PCDHGA2: variants seen among roughly 807,000 people sequenced by gnomAD.
The protein encoded by PCDHGA2 is protocadherin gamma-A2.
In PCDHGA2, 40 loss-of-function variants were observed where a neutral mutation model predicts 59.2. The observed-to-expected ratio is 0.68, with a 90% CI of 0.52 to 0.88. The LOEUF (loss-of-function observed/expected upper bound fraction) is 0.88, where lower values mean the gene tolerates loss of function less well. Among genes scored for constraint, PCDHGA2 ranks in the 40% least tolerant of loss-of-function variants. PCDHGA2 has a pLI of 0.00. For synonymous variants in PCDHGA2, 560 were observed against 526.0 expected, an observed-to-expected ratio of 1.06 and a Z score of -0.89; for missense variants, 1,226 against 1,204.0, an observed-to-expected ratio of 1.02 and a Z score of -0.27.
Position 141,432,436 on chromosome 5 carries a change from G to A in PCDHGA2, c.2425-62371G>A, listed in dbSNP as rs753833603. On this transcript the variant is annotated intron_variant, in intron 1 of 3. Coordinates refer to ENST00000394576, the MANE Select transcript of PCDHGA2 (RefSeq NM_018915.4). The surrounding 1 kb of genome is among the most constrained non-coding windows in gnomAD (Gnocchi z 6.0). ...TCGTGCTGGACCAGAACGACAATGC[G>A]CCCGAGATCCTGTACCCCGCCCTCC... The A allele has an allele frequency of 4.3e-6, 7 of 1,614,196 alleles. No homozygotes were observed. The highest frequency in any genetic ancestry group is 1.1e-5 in the South Asian group (1 of 91,084).
intron 1 of PCDHGA2, chr5:141,360,620 T>C (rs759358436): frequency 1.2e-6 from 2 of 1,614,026 alleles, no homozygotes; most frequent in Non-Finnish European, 1.7e-6. Flanking sequence ...GATTCAGATG[T>C]TGGTCCTAAC....
chr5:141,342,022 A>G (rs3806838), intron 1 of PCDHGA2: 28,223 of 153,446 alleles, frequency 0.18, 2,790 homozygotes, highest in African/African-American at 0.24. Flanking sequence ...AATCACATTA[A>G]CCTCTAAGCT....
intron 1 of PCDHGA2, chr5:141,364,740 A>T: frequency 6.2e-7 from 1 of 1,613,970 alleles, no homozygotes; most frequent in Middle Eastern, 1.6e-4. Flanking sequence ...CGGGATGAAG[A>T]GTTAAAAGTA....
chr5:141,392,766 C>A, intron 1 of PCDHGA2: 1 of 1,489,084 alleles, frequency 6.7e-7, no homozygotes, highest in South Asian at 1.4e-5. Flanking sequence ...AAATAAGACC[C>A]ATTTATGCAC....
In PCDHGA2 at chr5:141,432,296, G is replaced by A. The variant is rs895669878; in HGVS notation, c.2425-62511G>A. The A allele has an allele frequency of 2.5e-6, 4 of 1,614,106 alleles. No homozygotes were observed. The highest frequency in any genetic ancestry group is 1.1e-5 in the South Asian group (1 of 91,082). The stretch of plus-strand genomic sequence containing the variant: ...CGTGTCCATCAACTCCGACACTGGG[G>A]TACTGTATGCGCTGAGCTCCTTCGA... On this transcript the variant is annotated intron_variant, in intron 1 of 3. Transcript: ENST00000394576. The surrounding 1 kb of genome is among the most constrained non-coding windows in gnomAD (Gnocchi z 6.0).
intron 1 of PCDHGA2, among the ~76,000 whole-genome samples, chr5:141,382,367 C>T (rs778668401): frequency 8.6e-5 from 13 of 151,894 alleles, no homozygotes; most frequent in African/African-American, 3.1e-4. Flanking sequence ...TAAAATTTAC[C>T]TTTTTGCCTT....
In PCDHGA2 at chr5:141,486,476, C is replaced by G. The variant is rs765887978; in HGVS notation, c.2425-8331C>G. The G allele has an allele frequency of 5.0e-6, 8 of 1,613,934 alleles. No homozygotes were observed. In the South Asian group the frequency reaches 7.7e-5, roughly 16 times the overall value. ...TGCTTCTGATGCTGGGAACCCTCCTCTCAGTACCCACAGAACTATTTTCCT... is the reference window on the plus strand; with the variant it reads ...TGCTTCTGATGCTGGGAACCCTCCTGTCAGTACCCACAGAACTATTTTCCT... On this transcript the variant is annotated intron_variant, in intron 1 of 3. Coordinates refer to ENST00000394576, the MANE Select transcript of PCDHGA2 (RefSeq NM_018915.4). The surrounding 1 kb of genome is among the most constrained non-coding windows in gnomAD (Gnocchi z 5.0).
At chr5:141,342,054 C>T (rs1212340435) in intron 1 of PCDHGA2, 1 of 152,590 alleles carries the variant, frequency 6.6e-6, no homozygotes, top group Non-Finnish European at 1.5e-5. Context: ...GAAGAAGTGA[C>T]TGACTTATCA....
chr5:141,406,406 C>T (rs976555739), intron 1 of PCDHGA2, among the ~76,000 whole-genome samples: 18 of 152,174 alleles, frequency 1.2e-4, no homozygotes, highest in Non-Finnish European at 1.8e-4. Context: ...CTTAGAGAAA[C>T]AGCTGAAAGC....
rs368850413 is a variant in PCDHGA2, at chr5:141,400,711, C to T, written c.2424+59316C>T. 8.7e-6 allele frequency: 6 copies of T among 691,160 alleles called. No individual in the cohort carries two copies. The African/African-American group carries it at 9.0e-5, about 10-fold the overall frequency. The allele number at this position is 691,160 out of a possible 1,614,324, so 42.8% of individuals were successfully genotyped here. On this transcript the variant is annotated intron_variant, in intron 1 of 3. Coordinates refer to ENST00000394576, the MANE Select transcript of PCDHGA2 (RefSeq NM_018915.4). Reference sequence around the variant, plus strand: ...TTTTATGTCGCATAAAAGAAGTAGCCTTATAGATTTACAAAGTAGTGAGAG... The same window carrying T: ...TTTTATGTCGCATAAAAGAAGTAGCTTTATAGATTTACAAAGTAGTGAGAG...
intron 1 of PCDHGA2, chr5:141,374,714 G>C (rs1236113306): frequency 1.2e-6 from 2 of 1,609,850 alleles, no homozygotes; most frequent in South Asian, 2.2e-5. Flanking sequence ...TTACCGCCTG[G>C]TCCTTACTGC....
At chr5:141,355,511 C>T in intron 1 of PCDHGA2, 1 of 1,614,022 alleles carries the variant, frequency 6.2e-7, no homozygotes, top group Admixed American at 1.7e-5. Context: ...AACTGTGTGA[C>T]AAACCTGGAG....
chr5:141,408,144 G>A (rs868032463), intron 1 of PCDHGA2: 1 of 1,496,186 alleles, frequency 6.7e-7, no homozygotes, highest in Non-Finnish European at 8.9e-7. Flanking sequence ...CTTTTAGCGC[G>A]GTAGAGTGCA....
intron 1 of PCDHGA2, chr5:141,343,925 G>C (rs1757341245): frequency 2.0e-6 from 2 of 1,023,870 alleles, no homozygotes; most frequent in Non-Finnish European, 2.8e-6. Context: ...CCAGCTGTTT[G>C]ACCTGTGAAT....
rs3749771 is a variant in PCDHGA2, at chr5:141,376,276, C to A, written c.2424+34881C>A. The A allele has an allele frequency of 5.9e-4, 946 of 1,614,240 alleles. 16 individuals are homozygous for A. The East Asian group carries it at 0.018, about 31-fold the overall frequency. The stretch of plus-strand genomic sequence containing the variant: ...GCCTGCTGCAGGCTTCGGGAGGTGG[C>A]TTAGCGAGCATGCCCGGCTCGCACT... On this transcript the variant is annotated intron_variant, in intron 1 of 3. Coordinates refer to ENST00000394576, the MANE Select transcript of PCDHGA2 (RefSeq NM_018915.4).
In PCDHGA2 at chr5:141,384,194, T is replaced by A. The variant is rs763395046; in HGVS notation, c.2424+42799T>A. 4.3e-6 allele frequency: 7 copies of A among 1,613,674 alleles called. No homozygotes were observed. In the East Asian group the frequency reaches 1.3e-4, roughly 31 times the overall value. ...GCCACAGATGGTGGAACTCCTCCCT[T>A]GTCCAGGGAAACTCACATATTCATG... On this transcript the variant is annotated intron_variant, in intron 1 of 3. Transcript: ENST00000394576.
chr5:141,344,614 T>C (rs916551872), intron 1 of PCDHGA2: 1 of 1,613,994 alleles, frequency 6.2e-7, no homozygotes, highest in African/African-American at 1.3e-5. Flanking sequence ...TATCCAGAGC[T>C]GGTGCTGGAG....
At chr5:141,368,582 T>C (rs1765741936) in intron 1 of PCDHGA2, among the ~76,000 whole-genome samples, 1 of 152,032 alleles carries the variant, frequency 6.6e-6, no homozygotes, top group African/African-American at 2.4e-5. Flanking sequence ...TAGGGTAAGG[T>C]GTTTGGGAAA....
chr5:141,413,645 C>T, intron 1 of PCDHGA2: 9 of 1,613,834 alleles, frequency 5.6e-6, no homozygotes, highest in Non-Finnish European at 7.6e-6. Context: ...ATGCGTTTTC[C>T]TCTCCCGGAA....
Sources: gnomAD v4.1 joint callset for allele counts (sites outside exome capture counted in the v4.1 genomes callset) on GRCh38, gnomAD v4.1.1 for gene constraint, Gnocchi (gnomAD v3.1) non-coding constraint, MANE v1.5 for transcripts, NCBI Gene and HGNC (gene_info 2026-07-23, HGNC 2026-07-21) for gene names.